The following IL1RAPL2 variants were observed in gnomAD, a reference collection of about 807,000 sequenced individuals.
IL1RAPL2 encodes the protein interleukin 1 receptor accessory protein like 2.
A neutral mutation model predicts 44.1 loss-of-function variants in IL1RAPL2; 3 were observed. The observed-to-expected ratio is 0.07, with a 90% CI of 0.03 to 0.18. The LOEUF (loss-of-function observed/expected upper bound fraction) is 0.18, where lower values mean the gene tolerates loss of function less well. Ranked by LOEUF, IL1RAPL2 falls within the 10% of genes least tolerant of loss-of-function variation. The pLI is 1.00. For missense variants in IL1RAPL2, 391 were observed against 496.4 expected, an observed-to-expected ratio of 0.79 and a Z score of 2.02; for synonymous variants, 181 against 178.8, an observed-to-expected ratio of 1.01 and a Z score of -0.10.
In IL1RAPL2 at chrX:105,002,399, T is replaced by C. The variant is rs186078289; in HGVS notation, c.83-193076T>C. ...CCCATCCATTTCATAATTTTGGTTT[T>C]TGAATGATAGGTAGAAATGAACTCC... On this transcript the variant is annotated intron_variant, in intron 2 of 10. Transcript: ENST00000372582. Among the ~76,000 whole-genome samples the C allele has an allele frequency of 5.4e-5, 6 of 111,506 alleles. No individual in the cohort carries two copies. The East Asian group carries it at 1.7e-3, about 32-fold the overall frequency.
chrX:104,912,311 CT>C (rs1312906427), intron 2 of IL1RAPL2, among the ~76,000 whole-genome samples: 1 of 110,446 alleles, frequency 9.1e-6, no homozygotes, highest in Non-Finnish European at 1.9e-5. Context: ...AGGAATGTGA[CT>C]TGATCAAGAT....
At chrX:105,268,526 G>A (rs760098768) in intron 5 of IL1RAPL2, among the ~76,000 whole-genome samples, 91 of 110,543 alleles carry the variant, frequency 8.2e-4, no homozygotes, top group African/African-American at 2.9e-3. Flanking sequence ...AGCACTTTGG[G>A]AGGCCAAGGC....
intron 2 of IL1RAPL2, among the ~76,000 whole-genome samples, chrX:104,766,155 T>C (rs2147594412): frequency 8.9e-6 from 1 of 111,948 alleles, no homozygotes; most frequent in East Asian, 2.8e-4. Flanking sequence ...TTATCAAGTA[T>C]ATGTAGTAGT....
chrX:104,713,136 A>G (rs1931490610), intron 2 of IL1RAPL2, among the ~76,000 whole-genome samples: 1 of 110,405 alleles, frequency 9.1e-6, no homozygotes, highest in Non-Finnish European at 1.9e-5. Flanking sequence ...GCCCTGGGAT[A>G]TCTTTAATTA....
At chrX:105,101,853 G>T (rs1251751360) in intron 2 of IL1RAPL2, among the ~76,000 whole-genome samples, 1 of 111,467 alleles carries the variant, frequency 9.0e-6, no homozygotes, top group Non-Finnish European at 1.9e-5. Flanking sequence ...TGCAAAGAAC[G>T]TATGCTCTAG....
intron 6 of IL1RAPL2, among the ~76,000 whole-genome samples, chrX:105,501,360 A>T (rs184094585): frequency 9.0e-6 from 1 of 111,676 alleles, no homozygotes; most frequent in Non-Finnish European, 1.9e-5. Flanking sequence ...ACGATGGCTC[A>T]TGCCTGTAAT....
intron 1 of IL1RAPL2, among the ~76,000 whole-genome samples, chrX:104,630,761 A>G: frequency 9.0e-6 from 1 of 111,072 alleles, no homozygotes; most frequent in Admixed American, 9.6e-5. Context: ...TCATTTTAAC[A>G]ATGTTAATTA....
At chrX:104,836,482 A>G (rs967883095) in intron 2 of IL1RAPL2, among the ~76,000 whole-genome samples, 1 of 110,725 alleles carries the variant, frequency 9.0e-6, no homozygotes, top group African/African-American at 3.3e-5. Flanking sequence ...CCCTGATGTT[A>G]TTATTACACA....
rs1931032206 is a variant in IL1RAPL2 at position 104,688,627 on chromosome X, T to A, written c.82+29632T>A. Among the ~76,000 whole-genome samples the A allele has an allele frequency of 1.8e-5, 2 of 111,444 alleles. 1 individual carries two copies. The highest frequency in any genetic ancestry group is 1.9e-4 in the Admixed American group (2 of 10,433). Reference sequence around the variant, plus strand: ...TTACAGTGGGGCTGCCATGGAATGATTTAATATTTTTCATATAACCTCTTC... The same window carrying A: ...TTACAGTGGGGCTGCCATGGAATGAATTAATATTTTTCATATAACCTCTTC... On this transcript the variant is annotated intron_variant, in intron 2 of 10. Coordinates refer to ENST00000372582, the MANE Select transcript of IL1RAPL2 (RefSeq NM_017416.2).
intron 9 of IL1RAPL2, among the ~76,000 whole-genome samples, chrX:105,754,128 C>A (rs1219768456): frequency 8.9e-6 from 1 of 112,235 alleles, no homozygotes; most frequent in Non-Finnish European, 1.9e-5. Flanking sequence ...GTTTGAGAAA[C>A]AAATCCTGAA....
chrX:104,890,412 C>T (rs79977824), intron 2 of IL1RAPL2, among the ~76,000 whole-genome samples: 54,184 of 110,361 alleles, frequency 0.49, 9,875 homozygotes, highest in African/African-American at 0.62. Context: ...ACAGTCCCAC[C>T]AACAGTGTAA....
intron 6 of IL1RAPL2, among the ~76,000 whole-genome samples, chrX:105,620,541 T>G (rs2037412332): frequency 9.1e-6 from 1 of 110,435 alleles, no homozygotes; most frequent in African/African-American, 3.3e-5. Context: ...AACCTGTCCT[T>G]AGAGATGCTA....
intron 1 of IL1RAPL2, among the ~76,000 whole-genome samples, chrX:104,654,556 G>A (rs975013117): frequency 9.0e-6 from 1 of 111,137 alleles, no homozygotes; most frequent in Admixed American, 9.6e-5. Context: ...GGCACCTGGG[G>A]GCTCCACCTA....
In IL1RAPL2 at chrX:105,449,380, C is replaced by T. The variant is rs764393024; in HGVS notation, c.698-34933C>T. ...TGGGCAGATCACGATGTCAGGAGAT[C>T]GAGACCATCCTGGCTAACACGGTGA... On this transcript the variant is annotated intron_variant, in intron 5 of 10. Transcript: ENST00000372582. 6.3e-5 allele frequency among the ~76,000 whole-genome samples: 7 copies of T among 110,483 alleles called. No homozygotes were observed. The South Asian group carries it at 2.3e-3, about 36-fold the overall frequency.
At chrX:105,376,765 C>G (rs1416138682) in intron 5 of IL1RAPL2, among the ~76,000 whole-genome samples, 1 of 111,333 alleles carries the variant, frequency 9.0e-6, no homozygotes, top group African/African-American at 3.3e-5. Flanking sequence ...GTCTAATTGT[C>G]CTTTTTAATG....
chrX:105,048,832 A>T (rs2031877565), intron 2 of IL1RAPL2, among the ~76,000 whole-genome samples: 1 of 112,053 alleles, frequency 8.9e-6, no homozygotes, highest in Non-Finnish European at 1.9e-5. Context: ...CCAATCCCTC[A>T]GTTGCACTAA....
chrX:105,012,158 A>G (rs1035939045), intron 2 of IL1RAPL2, among the ~76,000 whole-genome samples: 2 of 111,267 alleles, frequency 1.8e-5, no homozygotes, highest in Non-Finnish European at 3.8e-5. Context: ...CTGAATGTCA[A>G]TAGGACATAT....
At chrX:105,039,493 C>G (rs1452337320) in intron 2 of IL1RAPL2, among the ~76,000 whole-genome samples, 1 of 111,792 alleles carries the variant, frequency 8.9e-6, no homozygotes, top group Admixed American at 9.5e-5. Context: ...TAAATAGGTT[C>G]TGGGTCAACT....
intron 2 of IL1RAPL2, among the ~76,000 whole-genome samples, chrX:104,671,253 G>T (rs1021502580): frequency 2.7e-5 from 3 of 110,325 alleles, no homozygotes. Context: ...CTATTTTTGT[G>T]CCCCTCAGTC....
Sources: gnomAD v4.1 joint callset for allele counts (sites outside exome capture counted in the v4.1 genomes callset) on GRCh38, gnomAD v4.1.1 for gene constraint, MANE v1.5 for transcripts, NCBI Gene and HGNC (gene_info 2026-07-23, HGNC 2026-07-21) for gene names.